ERBIN: variants seen among roughly 807,000 people sequenced by gnomAD.
The protein encoded by ERBIN is densin-180-like protein.
ERBIN carries 60 observed loss-of-function variants against 158.4 expected under a neutral mutation model. That is an observed-to-expected ratio of 0.38 (90% CI 0.31 to 0.47). The LOEUF is 0.47. Ranked by LOEUF, ERBIN falls within the 20% of genes least tolerant of loss-of-function variation. The pLI is 0.99. For missense variants in ERBIN, 1,610 were observed against 1,648.0 expected (o/e 0.98, Z 0.40); for synonymous variants, 594 against 557.2 (o/e 1.07, Z -0.93).
At chr5:66,031,169 G>A (rs1029218707) in intron 14 of ERBIN, among the ~76,000 whole-genome samples, 2 of 152,134 alleles carry the variant, frequency 1.3e-5, no homozygotes, top group African/African-American at 4.8e-5. Context: ...GGTATACAGA[G>A]GTTTGGTTGT....
intron 1 of ERBIN, among the ~76,000 whole-genome samples, chr5:65,971,590 A>T (rs1449686104): frequency 6.6e-6 from 1 of 152,200 alleles, no homozygotes; most frequent in Non-Finnish European, 1.5e-5. Flanking sequence ...TTAGTCTCAG[A>T]AAAGAATTAG....
chr5:65,956,291 A>G (rs1747114243), intron 1 of ERBIN, among the ~76,000 whole-genome samples: 1 of 151,764 alleles, frequency 6.6e-6, no homozygotes, highest in Admixed American at 6.6e-5. Flanking sequence ...AAATGCCCAT[A>G]TAGCATGCAT....
intron 5 of ERBIN, among the ~76,000 whole-genome samples, chr5:66,012,451 T>G (rs911724541): frequency 6.6e-6 from 1 of 151,958 alleles, no homozygotes; most frequent in Non-Finnish European, 1.5e-5. Flanking sequence ...TCAAATCAGG[T>G]GTGTGGTACC....
chr5:65,928,334 A>G lies in ERBIN; in HGVS notation c.-58+1528A>G, dbSNP rs557136246. Among the ~76,000 whole-genome samples, 3 of 152,192 alleles carry G rather than the reference A, an allele frequency of 2.0e-5. 1 individual carries two copies. The highest frequency in any genetic ancestry group is 7.2e-5 in the African/African-American group (3 of 41,528). On this transcript the variant is annotated intron_variant, in intron 1 of 25. Transcript: ENST00000284037. ...AGCTTTATCAAAGAATTTAAAGTGCATAACTCATCTACTTTATGATTTTGG... is the reference window on the plus strand; with the variant it reads ...AGCTTTATCAAAGAATTTAAAGTGCGTAACTCATCTACTTTATGATTTTGG...
chr5:66,051,176 AG>A lies in ERBIN; in HGVS notation c.2087+211del, dbSNP rs1164152691. Among the ~76,000 whole-genome samples the A allele has an allele frequency of 5.9e-5, 9 of 152,324 alleles. No homozygotes were observed. In the East Asian group the frequency reaches 1.7e-3, roughly 29 times the overall value. On this transcript the variant is annotated intron_variant, in intron 20 of 25. Transcript: ENST00000284037. Reference sequence around the variant, plus strand: ...ATTTTTAAATGGGGAAGAATAGACTAGATTCTCAATCTCTGGTTAAAAAGTT... The same window carrying A: ...ATTTTTAAATGGGGAAGAATAGACTAATTCTCAATCTCTGGTTAAAAAGTT...
chr5:65,957,843 G>C (rs1037041827), intron 1 of ERBIN, among the ~76,000 whole-genome samples: 7 of 150,494 alleles, frequency 4.7e-5, no homozygotes, highest in African/African-American at 1.7e-4. Flanking sequence ...GGGCGGAGGG[G>C]CTCCTCACTT....
chr5:66,051,894 C>CAAAAAAAAAAAAAAAAAA (rs35074022), intron 20 of ERBIN, among the ~76,000 whole-genome samples: 1 of 138,790 alleles, frequency 7.2e-6, no homozygotes, highest in African/African-American at 2.8e-5. Flanking sequence ...GGCCTTGTCT[C>CAAAAAAAAAAAAAAAAAA]AAAAAAAAAA....
intron 17 of ERBIN, 82 bp downstream of exon 17, chr5:66,044,392 T>C (rs772799114): frequency 3.9e-6 from 5 of 1,294,858 alleles, no homozygotes; most frequent in South Asian, 1.5e-5. Flanking sequence ...CCCCTTTTCA[T>C]GTACTCTGAA....
intron 21 of ERBIN, among the ~76,000 whole-genome samples, chr5:66,059,521 C>T (rs944500252): frequency 6.6e-6 from 1 of 152,146 alleles, no homozygotes; most frequent in African/African-American, 2.4e-5. Flanking sequence ...TAATTGAATA[C>T]CCTTTATTTC....
chr5:66,045,996 T>C (rs16894786), intron 17 of ERBIN, among the ~76,000 whole-genome samples: 8,763 of 152,248 alleles, frequency 0.058, 881 homozygotes, highest in African/African-American at 0.2. Context: ...TTTTACCATG[T>C]CATTAGAGTT....
In ERBIN at chr5:65,994,660, G is replaced by A; in HGVS notation, c.190-87G>A. ...ATTAGTGTAGGTTATAACTCATTCA[G>A]TTTTAATATGGCTGATAATAAAAGT... On this transcript the variant is annotated intron_variant, in intron 3 of 25. Transcript: ENST00000284037. The A allele has an allele frequency of 4.1e-6, 3 of 727,006 alleles. No homozygotes were observed. The South Asian group carries it at 5.8e-5, about 14-fold the overall frequency. 45.0% of individuals were successfully genotyped at this position (727,006 alleles called of 1,614,324 possible).
intron 19 of ERBIN, among the ~76,000 whole-genome samples, chr5:66,049,797 T>A (rs1758834846): frequency 6.6e-6 from 1 of 152,076 alleles, no homozygotes; most frequent in South Asian, 2.1e-4. Context: ...TAAAAAAAAA[T>A]TTGTAGCACT....
At chr5:66,043,524 A>G (rs1481566696) in intron 16 of ERBIN, among the ~76,000 whole-genome samples, 5 of 152,072 alleles carry the variant, frequency 3.3e-5, no homozygotes, top group Non-Finnish European at 7.4e-5. Flanking sequence ...TCCCCCCACC[A>G]TATTCGTAAT....
chr5:65,997,859 T>C (rs1421146652), intron 4 of ERBIN, among the ~76,000 whole-genome samples: 1 of 152,164 alleles, frequency 6.6e-6, no homozygotes, highest in Admixed American at 6.5e-5. Context: ...TTTTAGGGCT[T>C]ATTAGAATTC....
intron 14 of ERBIN, among the ~76,000 whole-genome samples, chr5:66,032,071 A>G (rs1756947158): frequency 6.6e-6 from 1 of 152,156 alleles, no homozygotes; most frequent in South Asian, 2.1e-4. Flanking sequence ...TCATGAGCAT[A>G]AGCATTTAGG....
At chr5:66,069,765 C>T (rs1285134388) in intron 21 of ERBIN, among the ~76,000 whole-genome samples, 1 of 152,164 alleles carries the variant, frequency 6.6e-6, no homozygotes, top group Non-Finnish European at 1.5e-5. Context: ...TCTCTAATAA[C>T]CCTGTTTTAT....
intron 14 of ERBIN, among the ~76,000 whole-genome samples, chr5:66,033,268 G>A (rs964864652): frequency 1.4e-4 from 21 of 152,130 alleles, no homozygotes; most frequent in African/African-American, 4.8e-4. Context: ...GCCCATGATC[G>A]TAATTAACTT....
chr5:65,939,553 G>A (rs574546305), intron 1 of ERBIN, among the ~76,000 whole-genome samples: 6 of 150,922 alleles, frequency 4.0e-5, no homozygotes, highest in African/African-American at 1.5e-4. Flanking sequence ...CTCTCCCCAC[G>A]GTCTCCCTCT....
chr5:66,002,188 G>T (rs572497935), intron 4 of ERBIN, among the ~76,000 whole-genome samples: 127 of 152,224 alleles, frequency 8.3e-4, no homozygotes, highest in Non-Finnish European at 1.4e-3. Context: ...TGTATTATGT[G>T]CCACATTTTC....
Sources: gnomAD v4.1 joint callset for allele counts (sites outside exome capture counted in the v4.1 genomes callset) on GRCh38, gnomAD v4.1.1 for gene constraint, MANE v1.5 for transcripts, NCBI Gene and HGNC (gene_info 2026-07-23, HGNC 2026-07-21) for gene names.